Variants in MYH1 observed in about 807,000 individuals in gnomAD.
MYH1 encodes myosin heavy chain 1, also known as myosin-1.
A neutral mutation model predicts 225.6 loss-of-function variants in MYH1; 214 were observed. That is an observed-to-expected ratio of 0.95 (90% CI 0.85 to 1.06). The LOEUF is 1.06. Among genes scored for constraint, MYH1 ranks in the 50% least tolerant of loss-of-function variants. The probability of loss-of-function intolerance (pLI) is 0.00; values close to 1 mark genes in which losing one functional copy is unlikely to be tolerated. For synonymous variants in MYH1, 774 were observed against 842.3 expected, an observed-to-expected ratio of 0.92 and a Z score of 1.40; for missense variants, 2,098 against 2,344.2, an observed-to-expected ratio of 0.89 and a Z score of 2.17.
intron 17 of MYH1, among the ~76,000 whole-genome samples, chr17:10,506,479 T>C (rs2073113559): frequency 6.6e-6 from 1 of 152,100 alleles, no homozygotes; most frequent in East Asian, 1.9e-4. Flanking sequence ...CTTTTTTCTT[T>C]GTCTTTTCTT....
chr17:10,503,002 A>T lies in MYH1; in HGVS notation c.2934+4T>A. 1 of 1,613,958 alleles carries T rather than the reference A, an allele frequency of 6.2e-7. No homozygotes were observed. Among genetic ancestry groups the T allele is most frequent in the Non-Finnish European group, 8.5e-7 (1 of 1,180,018 alleles). ...TATACAGTACTGTAGAATATGATTG[A>T]TACCTTGTTTTCTGTGGCATGTTTC... is the stretch of plus-strand genomic sequence containing the variant. On this transcript the variant is annotated splice_donor_region_variant and intron_variant, in intron 23 of 39. Transcript: ENST00000226207.
At position 10,499,058 on chromosome 17, in the gene MYH1, T is replaced by C. The variant is rs763623401; in HGVS notation, c.3900A>G (p.Thr1300=). ...TGCCCCTCGAGAGCTGTGAAACTAG[T>C]GTGTCCTTTTCATCTAGCTGGCGTG... ...EYSRQLDEKD[T]LVSQLSRGKQ... The change falls in exon 29 of 40, where the codon ACA becomes ACG. Residue 1300 remains threonine, a synonymous_variant. Transcript: ENST00000226207. The C allele has an allele frequency of 6.2e-7, 1 of 1,614,126 alleles. No individual in the cohort carries two copies. The highest frequency in any genetic ancestry group is 8.5e-7 in the Non-Finnish European group (1 of 1,179,982).
In MYH1 at chr17:10,497,107, C is replaced by A. The variant is rs1189712500; in HGVS notation, c.4618G>T (p.Glu1540Ter). The stretch of plus-strand genomic sequence containing the variant: ...AAGGCAGCCTGAAGTTCAGACTTTT[C>A]TTGCTCAACTTGCTTCTTTATTTTT... ...LEKIKKQVEQEKSELQAALEE... is the reference protein window; with the variant it reads ...LEKIKKQVEQ The change falls in exon 33 of 40, where the codon GAA becomes TAA. Residue 1540 changes from glutamate to a stop codon, truncating the protein, a stop_gained. Coordinates refer to ENST00000226207, the MANE Select transcript of MYH1 (RefSeq NM_005963.4). LOFTEE classifies it high-confidence loss of function. The A allele has an allele frequency of 1.2e-6, 2 of 1,613,938 alleles. No individual in the cohort carries two copies. Among genetic ancestry groups the A allele is most frequent in the Non-Finnish European group, 1.7e-6 (2 of 1,180,010 alleles).
Position 10,492,331 on chromosome 17 carries a change from TCCAAAA to T in MYH1, c.*79_*84del. On this transcript the variant is annotated 3_prime_UTR_variant, in exon 40 of 40. Transcript: ENST00000226207. ...GTTTTTGGCAGATAAATTTTTTATC[TCCAAAA>T]GTCATAAGTACAAAATGGAGTGACA... is the stretch of plus-strand genomic sequence containing the variant. The T allele has an allele frequency of 6.6e-7, 1 of 1,526,670 alleles. No individual in the cohort carries two copies. The highest frequency in any genetic ancestry group is 8.9e-7 in the Non-Finnish European group (1 of 1,128,172). The allele number at this position is 1,526,670 out of a possible 1,614,324, so 94.6% of individuals were successfully genotyped here.
Position 10,494,985 on chromosome 17 carries a change from AGC to A in MYH1, c.5410_5411del (p.Ala1804Ter). 1.2e-6 allele frequency: 2 copies of A among 1,614,188 alleles called. No individual in the cohort carries two copies. The highest frequency in any genetic ancestry group is 1.7e-6 in the Non-Finnish European group (2 of 1,180,036). On this transcript the variant is annotated frameshift_variant, in exon 37 of 40. Transcript: ENST00000226207. LOFTEE classifies it high-confidence loss of function. The part of the protein sequence containing the change: ...VKDLQHRLDE[A>X]EQLALKGGKK... Reference sequence around the variant, plus strand: ...TCCCACCCTTCAGGGCCAGCTGCTCAGCCTCATCCAGACGATGCTGCAGGTCC... The same window carrying A: ...TCCCACCCTTCAGGGCCAGCTGCTCACTCATCCAGACGATGCTGCAGGTCC...
intron 17 of MYH1, among the ~76,000 whole-genome samples, chr17:10,507,543 G>A (rs1399361369): frequency 6.6e-6 from 1 of 152,146 alleles, no homozygotes; most frequent in Non-Finnish European, 1.5e-5. Flanking sequence ...CCTCAAGCAA[G>A]TCTCAGCTTT....
chr17:10,497,940 G>T (rs1364876343), intron 30 of MYH1, 23 bp from the exon 31 acceptor site: 2 of 1,576,468 alleles, frequency 1.3e-6, no homozygotes, highest in African/African-American at 2.7e-5. Context: ...GGCAATAAAA[G>T]TGAATGGCTG....
chr17:10,502,361 TACA>T (rs1235643190), intron 24 of MYH1, among the ~76,000 whole-genome samples: 1 of 152,220 alleles, frequency 6.6e-6, no homozygotes, highest in Non-Finnish European at 1.5e-5. Flanking sequence ...TATTGATCAT[TACA>T]ACTTCTTTGC....
In MYH1 at chr17:10,492,386, TC is replaced by T; in HGVS notation, c.*29del. 2 of 1,609,288 alleles carry T rather than the reference TC, an allele frequency of 1.2e-6. No individual in the cohort carries two copies. The highest frequency in any genetic ancestry group is 2.2e-5 in the South Asian group (2 of 89,900). ...CAAAGATTTTCACATTTTGTGCATTTCTTTGGTCACCTTTCAGCAGTTAGAT... is the reference window on the plus strand; with the variant it reads ...CAAAGATTTTCACATTTTGTGCATTTTTTGGTCACCTTTCAGCAGTTAGAT... On this transcript the variant is annotated 3_prime_UTR_variant, in exon 40 of 40. Transcript: ENST00000226207.
Position 10,495,950 on chromosome 17 carries a change from C to T in MYH1, c.5169G>A (p.Gln1723=). The change falls in exon 35 of 40, where the codon CAG becomes CAA. Residue 1723 remains glutamine (Q), a splice_region_variant and synonymous_variant. Coordinates refer to ENST00000226207, the MANE Select transcript of MYH1 (RefSeq NM_005963.4). ...GTTGCTATTCTATTATTACATGCAC[C>T]TGGGTGTGCAGGAGCTGAACACGCT... ...ASERVQLLHT[Q]NTSLINTKKK... is the part of the protein sequence containing the mutation. 1 of 1,613,926 alleles carries T rather than the reference C, an allele frequency of 6.2e-7. No homozygotes were observed. Among genetic ancestry groups the T allele is most frequent in the Non-Finnish European group, 8.5e-7 (1 of 1,179,964 alleles).
chr17:10,498,814 A>G lies in MYH1; in HGVS notation c.3993T>C (p.Ser1331=), dbSNP rs1393326099. ...RQLEEEIKAK[S]ALAHALQSSR... is the part of the protein sequence containing the mutation. Reference sequence around the variant, plus strand: ...AGGACTGCAGGGCATGTGCCAGGGCACTCTTGGCCTGAGAACATAGAGATT... The same window carrying G: ...AGGACTGCAGGGCATGTGCCAGGGCGCTCTTGGCCTGAGAACATAGAGATT... The change falls in exon 30 of 40, where the codon AGT becomes AGC. Residue 1331 remains serine, a synonymous_variant. Transcript: ENST00000226207. 2 of 1,614,080 alleles carry G rather than the reference A, an allele frequency of 1.2e-6. No homozygotes were observed. The highest frequency in any genetic ancestry group is 2.2e-5 in the South Asian group (2 of 91,064).
At chr17:10,495,558 A>G (rs2072980675) in intron 35 of MYH1, among the ~76,000 whole-genome samples, 2 of 151,764 alleles carry the variant, frequency 1.3e-5, no homozygotes, top group Admixed American at 1.3e-4. Flanking sequence ...TCAGGAGATC[A>G]AGACCATCCT....
At position 10,492,553 on chromosome 17, in the gene MYH1, C is replaced by T. The variant is rs760143687; in HGVS notation, c.5683G>A (p.Val1895Ile). 1.2e-5 allele frequency: 19 copies of T among 1,613,070 alleles called. No homozygotes were observed. Among genetic ancestry groups the T allele is most frequent in the East Asian group, 4.5e-5 (2 of 44,824 alleles). Residue 1895 changes from valine to isoleucine, a missense_variant, in exon 40 of 40, where the codon GTC becomes ATC. By Grantham distance (29) the Val-to-Ile change is conservative. Transcript: ENST00000226207. ...QAEEAEEQSN[V>I]NLSKFRRIQH... ...ATCCTGCGGAATTTGGAGAGGTTGACGTTGGATTGTTCCTCCTGTGAATGG... is the reference window on the plus strand; with the variant it reads ...ATCCTGCGGAATTTGGAGAGGTTGATGTTGGATTGTTCCTCCTGTGAATGG...
intron 22 of MYH1, among the ~76,000 whole-genome samples, chr17:10,503,600 G>A (rs921583434): frequency 7.2e-5 from 11 of 152,162 alleles, no homozygotes; most frequent in African/African-American, 2.7e-4. Context: ...CAGGTTGCTG[G>A]GAGAGAAGGG....
intron 20 of MYH1, 33 bp downstream of exon 20, chr17:10,505,355 G>C (rs770746086): frequency 6.2e-7 from 1 of 1,614,160 alleles, no homozygotes; most frequent in South Asian, 1.1e-5. Context: ...AAAGGGACAG[G>C]AATAGCATCA....
At chr17:10,515,875 G>T in intron 5 of MYH1, 51 bp downstream of exon 5, 1 of 1,612,626 alleles carries the variant, frequency 6.2e-7, no homozygotes. Context: ...CTAATATTTT[G>T]TGATTATGGA....
chr17:10,502,326 C>T (rs1008840119), intron 24 of MYH1, among the ~76,000 whole-genome samples: 1 of 152,174 alleles, frequency 6.6e-6, no homozygotes, highest in African/African-American at 2.4e-5. Context: ...TTCTGAGTGT[C>T]CTTTGTTTCT....
rs1442158883 is a variant in MYH1, at chr17:10,501,858, T to C, written c.3165A>G (p.Ala1055=). 3 of 1,613,498 alleles carry C rather than the reference T, an allele frequency of 1.9e-6. No homozygotes were observed. In the African/African-American group the frequency reaches 4.0e-5, roughly 22 times the overall value. ...TTAGGTCTCCCTCTAGTTTTCTCTTTGCTCTTTCTAGATCCATCCGGATTT... is the reference window on the plus strand; with the variant it reads ...TTAGGTCTCCCTCTAGTTTTCTCTTCGCTCTTTCTAGATCCATCCGGATTT... ...EKKIRMDLER[A]KRKLEGDLKL... Residue 1055 remains alanine, a synonymous_variant, in exon 25 of 40, where the codon GCA becomes GCG. Coordinates refer to ENST00000226207, the MANE Select transcript of MYH1 (RefSeq NM_005963.4).
Position 10,516,272 on chromosome 17 carries a change from G to A in MYH1, c.275C>T (p.Ala92Val). ...PPKYDKIEDMAMMTHLHEPAV... is the reference protein window; with the variant it reads ...PPKYDKIEDMVMMTHLHEPAV... ...AGGCTCGTGTAGATGAGTCATCATG[G>A]CCATGTCCTCGATCTTGTCATATTT... is the stretch of plus-strand genomic sequence containing the variant. The change falls in exon 4 of 40, where the codon GCC becomes GTC. Residue 92 changes from alanine (A) to valine (V), a missense_variant. Ala to Val is a moderately conservative substitution (Grantham distance 64). Coordinates refer to ENST00000226207, the MANE Select transcript of MYH1 (RefSeq NM_005963.4). The A allele has an allele frequency of 6.2e-7, 1 of 1,614,034 alleles. No homozygotes were observed. Among genetic ancestry groups the A allele is most frequent in the Non-Finnish European group, 8.5e-7 (1 of 1,179,996 alleles).
Sources: allele counts gnomAD v4.1 joint callset (sites outside exome capture counted in the v4.1 genomes callset), GRCh38; gene constraint gnomAD v4.1.1; transcripts MANE v1.5; gene names NCBI Gene and HGNC (gene_info 2026-07-23, HGNC 2026-07-21).